UNC45A: variants seen among roughly 807,000 people sequenced by gnomAD.
UNC45A encodes unc-45 myosin chaperone A, also known as protein unc-45 homolog A.
Under a neutral mutation model 103.2 loss-of-function variants are expected in UNC45A, and 78 were observed. That is an observed-to-expected ratio of 0.76 (90% CI 0.63 to 0.91). The LOEUF (loss-of-function observed/expected upper bound fraction) is 0.91. Ranked by LOEUF, UNC45A falls within the 40% of genes least tolerant of loss-of-function variation. The pLI is 0.00. For synonymous variants in UNC45A, 495 were observed against 504.6 expected (o/e 0.98, Z 0.25); for missense variants, 1,193 against 1,224.8 (o/e 0.97, Z 0.39).
upstream of UNC45A, chr15:90,931,701 T>C: frequency 6.2e-7 from 1 of 1,614,014 alleles, no homozygotes; most frequent in Non-Finnish European, 8.5e-7. Context: ...TACGAAAGCG[T>C]ACCCTCTGGG....
chr15:90,932,646 G>T, upstream of UNC45A: 1 of 605,774 alleles, frequency 1.7e-6, no homozygotes, highest in Non-Finnish European at 2.4e-6. Context: ...AATTCAGCGG[G>T]CCGAGTTGGG....
At position 90,953,809 on chromosome 15, in the gene UNC45A, C is replaced by A; in HGVS notation, c.*93C>A. ...AGCAGCTTTGGCTGGTGGTGGCTGG[C>A]ATGCCCAATACTCTTGCCCATCCTC... On this transcript the variant is annotated 3_prime_UTR_variant, in exon 20 of 20. Transcript: ENST00000418476. 6.6e-7 allele frequency: 1 copy of A among 1,508,526 alleles called. No individual in the cohort carries two copies. 93.4% of individuals were successfully genotyped at this position (1,508,526 alleles called of 1,614,324 possible). A position where few individuals can be genotyped will look rare whatever the true frequency, so the allele number is the denominator to read the frequency against.
chr15:90,952,814 C>G, intron 17 of UNC45A, 115 bp from the exon 18 acceptor site: 1 of 894,820 alleles, frequency 1.1e-6, no homozygotes. Context: ...ATCCCATGAC[C>G]CAGTCACCTC....
chr15:90,936,447 A>C lies in UNC45A; in HGVS notation c.413A>C (p.Gln138Pro). 1 of 1,614,106 alleles carries C rather than the reference A, an allele frequency of 6.2e-7. No homozygotes were observed. Among genetic ancestry groups the C allele is most frequent in the Non-Finnish European group, 8.5e-7 (1 of 1,179,970 alleles). The change falls in exon 4 of 20, where the codon CAG becomes CCG. Residue 138 changes from glutamine (Q) to proline (P), a missense_variant. Transcript: ENST00000418476. ...GAGGCCTTGCGGAACATCGGGGGCC[A>C]GATTCAGGAGAAGGTATGTGAGTGA... is the stretch of plus-strand genomic sequence containing the variant. ...FQEALRNIGG[Q>P]IQEKVRYMSS...
chr15:90,930,518 C>T (rs2035752795), upstream of UNC45A: 1 of 152,460 alleles, frequency 6.6e-6, no homozygotes, highest in South Asian at 2.1e-4. Context: ...GCGCGAGCCA[C>T]TGCGCCCGGC....
intron 6 of UNC45A, among the ~76,000 whole-genome samples, chr15:90,942,124 G>A (rs1222438663): frequency 2.0e-5 from 3 of 152,136 alleles, no homozygotes; most frequent in Non-Finnish European, 2.9e-5. Context: ...CTTCGTCTAG[G>A]TATAGGTCTT....
chr15:90,946,183 G>A (rs2151368936), intron 9 of UNC45A, among the ~76,000 whole-genome samples: 1 of 150,952 alleles, frequency 6.6e-6, no homozygotes, highest in East Asian at 2.0e-4. Flanking sequence ...GAATCCAGGA[G>A]GTGGAGGTTG....
intron 11 of UNC45A, 37 bp downstream of exon 11, chr15:90,947,927 G>A: frequency 1.3e-6 from 2 of 1,590,392 alleles, no homozygotes; most frequent in African/African-American, 1.3e-5. Flanking sequence ...CCCCACCTGT[G>A]GGGTAGATCT....
chr15:90,932,489 T>G, upstream of UNC45A: 1 of 1,308,596 alleles, frequency 7.6e-7, no homozygotes, highest in Non-Finnish European at 9.7e-7. Flanking sequence ...TGCCGGTGCT[T>G]GCGAGCCGCG....
At chr15:90,942,123 G>C (rs2036325307) in intron 6 of UNC45A, among the ~76,000 whole-genome samples, 1 of 152,136 alleles carries the variant, frequency 6.6e-6, no homozygotes. Context: ...GCTTCGTCTA[G>C]GTATAGGTCT....
chr15:90,939,775 T>G lies in UNC45A; in HGVS notation c.471T>G (p.Phe157Leu). Residue 157 changes from phenylalanine to leucine, a missense_variant, in exon 5 of 20, where the codon TTT becomes TTG. Physicochemically the swap from Phe to Leu is conservative, Grantham distance 22. Transcript: ENST00000418476. ...CGGATGCCAAAGTGGAACAGATGTT[T>G]CAGATACTGTTGGACCCAGAAGAGA... ...SSTDAKVEQM[F>L]QILLDPEEKG... The G allele has an allele frequency of 6.2e-7, 1 of 1,614,160 alleles. No homozygotes were observed. Among genetic ancestry groups the G allele is most frequent in the South Asian group, 1.1e-5 (1 of 91,088 alleles).
Position 90,949,516 on chromosome 15 carries a change from G to A in UNC45A, c.2006+73G>A, listed in dbSNP as rs1406464886. The A allele has an allele frequency of 1.6e-5, 26 of 1,602,194 alleles. No individual in the cohort carries two copies. The Admixed American group carries it at 3.4e-4, about 21-fold the overall frequency. ...AGGGCTGCAGATGTGGCTCCAGAGGGTGCAGGTTCCAGTGCTGTGGGCCTC... is the reference window on the plus strand; with the variant it reads ...AGGGCTGCAGATGTGGCTCCAGAGGATGCAGGTTCCAGTGCTGTGGGCCTC... On this transcript the variant is annotated intron_variant, in intron 14 of 19. Coordinates refer to ENST00000418476, the MANE Select transcript of UNC45A (RefSeq NM_018671.5).
In UNC45A at chr15:90,942,302, T is replaced by A. The variant is rs988474250; in HGVS notation, c.688-135T>A. On this transcript the variant is annotated intron_variant, in intron 6 of 19. Transcript: ENST00000418476. ...ACCCTGGGTCATGCCATCCATTCTGTGTTGTTTTCACCTGGAGCTGGGCCT... is the reference window on the plus strand; with the variant it reads ...ACCCTGGGTCATGCCATCCATTCTGAGTTGTTTTCACCTGGAGCTGGGCCT... 1.5e-5 allele frequency: 15 copies of A among 1,000,452 alleles called. 1 individual carries two copies. Among genetic ancestry groups the A allele is most frequent in the Admixed American group, 4.8e-5 (2 of 41,326 alleles). The allele number at this position is 1,000,452 out of a possible 1,614,324, so 62.0% of individuals were successfully genotyped here.
chr15:90,949,534 T>C (rs2151374166), intron 14 of UNC45A, 91 bp downstream of exon 14: 2 of 1,600,444 alleles, frequency 1.2e-6, no homozygotes, highest in East Asian at 2.2e-5. Flanking sequence ...TCCAGTGCTG[T>C]GGGCCTCTTA....
At chr15:90,931,097 C>T (rs2035772844), upstream of UNC45A, 2 of 670,346 alleles carry the variant, frequency 3.0e-6, no homozygotes, top group Non-Finnish European at 5.0e-6. Flanking sequence ...TCCCACCACG[C>T]GGGGCTCAGC....
At chr15:90,932,569 G>C (rs1347142005), upstream of UNC45A, 4 of 1,204,642 alleles carry the variant, frequency 3.3e-6, no homozygotes. Context: ...GACTGCGGCC[G>C]CAGGGGCAGG....
At chr15:90,931,410 A>G (rs532110423), upstream of UNC45A, 17 of 1,591,640 alleles carry the variant, frequency 1.1e-5, no homozygotes, top group African/African-American at 4.0e-5. Flanking sequence ...ACCATCCTGC[A>G]TAAGAGTCGA....
At chr15:90,949,548 C>G (rs140885537) in intron 14 of UNC45A, 105 bp downstream of exon 14, 21 of 1,597,072 alleles carry the variant, frequency 1.3e-5, no homozygotes, top group Non-Finnish European at 1.8e-5. Context: ...CCTCTTAGAG[C>G]GACGGGGGCT....
chr15:90,937,512 A>T (rs1393896754), intron 4 of UNC45A, among the ~76,000 whole-genome samples: 4 of 143,622 alleles, frequency 2.8e-5, no homozygotes, highest in Non-Finnish European at 4.5e-5. Context: ...TTTGAGACGG[A>T]GTCTTGCTCT....
Sources: gnomAD v4.1 joint callset for allele counts (sites outside exome capture counted in the v4.1 genomes callset) on GRCh38, gnomAD v4.1.1 for gene constraint, MANE v1.5 for transcripts, NCBI Gene and HGNC (gene_info 2026-07-23, HGNC 2026-07-21) for gene names.